Variants in CELF4 observed in about 807,000 individuals in gnomAD.
CELF4 encodes the protein CUG-BP- and ETR-3-like factor 4.
Under a neutral mutation model 59.9 loss-of-function variants are expected in CELF4, and 18 were observed. The ratio of observed to expected loss-of-function variants is 0.30; its 90% CI spans 0.21 to 0.45. The LOEUF (loss-of-function observed/expected upper bound fraction) is 0.45. CELF4 is among the 20% of genes least tolerant of loss of function. The pLI, the probability that CELF4 is intolerant of heterozygous loss-of-function variation, is 1.00. For missense variants in CELF4, 456 were observed against 689.0 expected, an observed-to-expected ratio of 0.66 and a Z score of 3.79; for synonymous variants, 261 against 267.1, an observed-to-expected ratio of 0.98 and a Z score of 0.22.
intron 2 of CELF4, among the ~76,000 whole-genome samples, chr18:37,483,887 G>A (rs941130619): frequency 6.6e-6 from 1 of 152,116 alleles, no homozygotes; most frequent in Non-Finnish European, 1.5e-5. Flanking sequence ...AATTATTAAA[G>A]AACTAATACA....
chr18:37,370,613 T>C (rs591349), intron 2 of CELF4, among the ~76,000 whole-genome samples: 139,836 of 152,214 alleles, frequency 0.92, 64,428 homozygotes, highest in East Asian at 0.99. Context: ...AAAAGTAGCA[T>C]GCTTTTAATG....
At chr18:37,420,465 G>C (rs1314934259) in intron 2 of CELF4, among the ~76,000 whole-genome samples, 1 of 152,230 alleles carries the variant, frequency 6.6e-6, no homozygotes, top group Non-Finnish European at 1.5e-5. Flanking sequence ...GGTGGGACTT[G>C]AACTGGGTGG....
chr18:37,349,699 G>A (rs1052282893), intron 2 of CELF4, among the ~76,000 whole-genome samples: 4 of 152,298 alleles, frequency 2.6e-5, no homozygotes, highest in Admixed American at 6.5e-5. Flanking sequence ...CCAGCCCATC[G>A]GAACCACAGA....
In CELF4 at chr18:37,419,703, C is replaced by T. The variant is rs1054128837; in HGVS notation, c.369+65822G>A. On this transcript the variant is annotated intron_variant, in intron 2 of 12. Transcript: ENST00000420428. ...GGCAAGACTGTAAAACCCTCAGGGA[C>T]GCCCTCCGGTACCCAAAGTAGAGGA... Among the ~76,000 whole-genome samples the T allele has an allele frequency of 9.9e-5, 15 of 152,192 alleles. No individual in the cohort carries two copies. The South Asian group carries it at 2.3e-3, about 23-fold the overall frequency.
intron 3 of CELF4, among the ~76,000 whole-genome samples, chr18:37,287,097 GC>G (rs759376835): frequency 3.3e-5 from 5 of 152,208 alleles, no homozygotes; most frequent in Admixed American, 2.0e-4. Context: ...TCACCTGGAG[GC>G]TTCGACAAGC....
At chr18:37,478,540 C>T (rs1304110121) in intron 2 of CELF4, among the ~76,000 whole-genome samples, 2 of 152,098 alleles carry the variant, frequency 1.3e-5, no homozygotes, top group African/African-American at 4.8e-5. Context: ...ATGTGGAACC[C>T]TCAGGACAGT....
At chr18:37,251,431 G>A (rs772624844) in intron 12 of CELF4, among the ~76,000 whole-genome samples, 2 of 152,106 alleles carry the variant, frequency 1.3e-5, no homozygotes, top group Non-Finnish European at 2.9e-5. Context: ...CTTCATCTGG[G>A]AATTCTTCTA....
At chr18:37,417,679 C>T (rs570623242) in intron 2 of CELF4, among the ~76,000 whole-genome samples, 6 of 152,286 alleles carry the variant, frequency 3.9e-5, no homozygotes, top group Admixed American at 2.0e-4. Context: ...AGGAGAGAGA[C>T]GGGGTCAGTA....
chr18:37,251,847 CT>C (rs1190132384), intron 12 of CELF4, among the ~76,000 whole-genome samples: 2 of 152,222 alleles, frequency 1.3e-5, no homozygotes, highest in East Asian at 3.8e-4. Flanking sequence ...GGCCCAGTGC[CT>C]GGCACAAGAA....
chr18:37,376,991 G>A (rs12959744), intron 2 of CELF4, among the ~76,000 whole-genome samples: 3 of 149,684 alleles, frequency 2.0e-5, no homozygotes, highest in African/African-American at 7.3e-5. Context: ...GGGCACAGGG[G>A]AGGGTGGAGG....
intron 3 of CELF4, among the ~76,000 whole-genome samples, chr18:37,320,639 C>T (rs1189204463): frequency 1.3e-5 from 2 of 152,176 alleles, no homozygotes; most frequent in African/African-American, 2.4e-5. Flanking sequence ...TTCACCTGCT[C>T]GGAGCCTCCG....
chr18:37,557,668 C>T (rs1228866771), intron 1 of CELF4, among the ~76,000 whole-genome samples: 2 of 152,170 alleles, frequency 1.3e-5, no homozygotes, highest in Non-Finnish European at 2.9e-5. Context: ...TGTCCAGAGC[C>T]GGCCTTCGGA....
At chr18:37,441,999 A>C (rs1249833037) in intron 2 of CELF4, among the ~76,000 whole-genome samples, 1 of 80,836 alleles carries the variant, frequency 1.2e-5, no homozygotes, top group Non-Finnish European at 2.8e-5. Flanking sequence ...ACAGTGCGTC[A>C]CCCAAACCGC....
At chr18:37,328,815 C>T (rs568449359) in intron 2 of CELF4, among the ~76,000 whole-genome samples, 14 of 152,178 alleles carry the variant, frequency 9.2e-5, no homozygotes, top group East Asian at 1.9e-4. Flanking sequence ...TCAGCAGACC[C>T]GCACGCTAGA....
At chr18:37,487,698 A>G (rs1003443651) in intron 1 of CELF4, among the ~76,000 whole-genome samples, 1 of 152,168 alleles carries the variant, frequency 6.6e-6, no homozygotes, top group African/African-American at 2.4e-5. Flanking sequence ...TGCTGTACGC[A>G]GGCAAGCCAG....
chr18:37,467,849 T>C (rs2099812531), intron 2 of CELF4, among the ~76,000 whole-genome samples: 1 of 152,234 alleles, frequency 6.6e-6, no homozygotes. Flanking sequence ...TACCTGTGTG[T>C]TCGTGTGCCC....
intron 1 of CELF4, among the ~76,000 whole-genome samples, chr18:37,495,223 C>G (rs1029818004): frequency 6.6e-6 from 1 of 152,180 alleles, no homozygotes; most frequent in Non-Finnish European, 1.5e-5. Context: ...GGGGACGGCC[C>G]ACAGTGGAAG....
At chr18:37,408,499 G>T (rs577078078) in intron 2 of CELF4, among the ~76,000 whole-genome samples, 1 of 63,830 alleles carries the variant, frequency 1.6e-5, no homozygotes, top group African/African-American at 3.9e-5. Context: ...TGCCGGGGGG[G>T]GGCGCGGTGC....
intron 2 of CELF4, among the ~76,000 whole-genome samples, chr18:37,393,092 GT>G: frequency 6.6e-6 from 1 of 151,576 alleles, no homozygotes; most frequent in African/African-American, 2.4e-5. Flanking sequence ...GGACTGCGGT[GT>G]GTTAGAGAGA....
Sources: allele counts gnomAD v4.1 joint callset (sites outside exome capture counted in the v4.1 genomes callset), GRCh38; gene constraint gnomAD v4.1.1; transcripts MANE v1.5; gene names NCBI Gene and HGNC (gene_info 2026-07-23, HGNC 2026-07-21).